The following ESRRG variants were observed in gnomAD, a reference collection of about 807,000 sequenced individuals.
ESRRG encodes the protein estrogen related receptor gamma.
In ESRRG, 13 loss-of-function variants were observed where a neutral mutation model predicts 44.0. The ratio of observed to expected loss-of-function variants is 0.30; its 90% CI spans 0.19 to 0.47. ESRRG has a LOEUF of 0.47. Among genes scored for constraint, ESRRG ranks in the 20% least tolerant of loss-of-function variants. The pLI is 1.00. For missense variants in ESRRG, 395 were observed against 580.6 expected, an observed-to-expected ratio of 0.68 and a Z score of 3.29; for synonymous variants, 215 against 214.6, an observed-to-expected ratio of 1.00 and a Z score of -0.02.
At chr1:216,541,420 T>C (rs2052679629) in intron 5 of ESRRG, among the ~76,000 whole-genome samples, 1 of 152,030 alleles carries the variant, frequency 6.6e-6, no homozygotes, top group Non-Finnish European at 1.5e-5. Context: ...GAGAGCTAAA[T>C]GTTATCTCTT....
chr1:216,854,353 C>CAAA (rs57421256), intron 2 of ESRRG, among the ~76,000 whole-genome samples: 471 of 67,012 alleles, frequency 7.0e-3, no homozygotes, highest in Non-Finnish European at 8.1e-3. Flanking sequence ...AAGACACCAT[C>CAAA]AAAAAAAAAA....
At chr1:216,913,597 C>A (rs1354430896) in intron 2 of ESRRG, among the ~76,000 whole-genome samples, 1 of 152,238 alleles carries the variant, frequency 6.6e-6, no homozygotes, top group Admixed American at 6.5e-5. Context: ...GTGAGCGCTG[C>A]ACTTTTTCCA....
At chr1:217,028,591 C>A (rs536665967) in intron 1 of ESRRG, among the ~76,000 whole-genome samples, 44 of 152,304 alleles carry the variant, frequency 2.9e-4, no homozygotes, top group Admixed American at 2.3e-3. Flanking sequence ...TTGGGAATAG[C>A]ACATTTTAGG....
chr1:216,748,313 C>A (rs1376330131), intron 2 of ESRRG, among the ~76,000 whole-genome samples: 1 of 152,068 alleles, frequency 6.6e-6, no homozygotes, highest in Non-Finnish European at 1.5e-5. Context: ...GTCTGGGACC[C>A]CATTTTTTTA....
At position 216,618,501 on chromosome 1, in the gene ESRRG, A is replaced by G. The variant is rs909873216; in HGVS notation, c.589+32472T>C. The stretch of plus-strand genomic sequence containing the variant: ...ACAATCTTACATATTCATCTACCTA[A>G]TTTACATATATATAAATAAGTAATA... On this transcript the variant is annotated intron_variant, in intron 3 of 6. Coordinates refer to ENST00000408911, the MANE Select transcript of ESRRG (RefSeq NM_001438.4). Among the ~76,000 whole-genome samples, 4 of 152,320 alleles carry G rather than the reference A, an allele frequency of 2.6e-5. No individual in the cohort carries two copies. In the East Asian group the frequency reaches 7.7e-4, roughly 29 times the overall value.
At chr1:217,132,487 TG>T (rs1462018285) in intron 1 of ESRRG, among the ~76,000 whole-genome samples, 1 of 152,202 alleles carries the variant, frequency 6.6e-6, no homozygotes, top group South Asian at 2.1e-4. Context: ...TATCTTGGTC[TG>T]GGATGGTTCA....
chr1:217,085,553 C>CA (rs201887832), intron 1 of ESRRG, among the ~76,000 whole-genome samples: 22,678 of 133,618 alleles, frequency 0.17, 2,088 homozygotes, highest in Admixed American at 0.25. Context: ...TGCAGTGGCG[C>CA]CATCTCGGCT....
At chr1:216,621,764 A>T (rs575532021) in intron 3 of ESRRG, among the ~76,000 whole-genome samples, 3 of 152,330 alleles carry the variant, frequency 2.0e-5, no homozygotes, top group African/African-American at 7.2e-5. Context: ...GATTTTCCTC[A>T]TGAAGTGATT....
intron 2 of ESRRG, among the ~76,000 whole-genome samples, chr1:216,819,317 A>G (rs1272581917): frequency 1.3e-5 from 2 of 152,204 alleles, no homozygotes. Context: ...TTGTCTCACA[A>G]CAAGGAGGAA....
intron 5 of ESRRG, among the ~76,000 whole-genome samples, chr1:216,525,324 C>A (rs997749810): frequency 6.6e-6 from 1 of 152,086 alleles, no homozygotes; most frequent in Non-Finnish European, 1.5e-5. Flanking sequence ...TGTGCAGTTC[C>A]TCTTTGGAAG....
At chr1:216,771,040 A>G (rs142089877) in intron 2 of ESRRG, among the ~76,000 whole-genome samples, 1 of 152,202 alleles carries the variant, frequency 6.6e-6, no homozygotes, top group East Asian at 1.9e-4. Context: ...GGTTCTTGCT[A>G]TGTTGCCCAG....
intron 5 of ESRRG, among the ~76,000 whole-genome samples, chr1:216,548,953 T>C (rs2055403392): frequency 6.6e-6 from 1 of 152,148 alleles, no homozygotes; most frequent in Non-Finnish European, 1.5e-5. Flanking sequence ...AATTTGCTTT[T>C]CTCCATGCAA....
At chr1:217,108,164 T>C (rs2151580213) in intron 1 of ESRRG, among the ~76,000 whole-genome samples, 1 of 152,298 alleles carries the variant, frequency 6.6e-6, no homozygotes, top group Non-Finnish European at 1.5e-5. Context: ...AGAGACCAAA[T>C]ACAGTTGCCA....
intron 3 of ESRRG, among the ~76,000 whole-genome samples, chr1:216,574,748 G>T (rs1258224125): frequency 1.3e-5 from 2 of 152,080 alleles, no homozygotes; most frequent in Admixed American, 6.6e-5. Flanking sequence ...ACTACAATAA[G>T]CAAACTGCTG....
At chr1:217,113,520 T>A (rs1022735739) in intron 1 of ESRRG, among the ~76,000 whole-genome samples, 1 of 152,208 alleles carries the variant, frequency 6.6e-6, no homozygotes, top group African/African-American at 2.4e-5. Flanking sequence ...CCCATCCACA[T>A]ATGGACATGA....
chr1:217,122,706 T>C (rs1234107827), intron 1 of ESRRG, among the ~76,000 whole-genome samples: 4 of 150,210 alleles, frequency 2.7e-5, no homozygotes, highest in East Asian at 3.9e-4. Flanking sequence ...GTTTCACTTT[T>C]GTTGCCCAGG....
intron 5 of ESRRG, among the ~76,000 whole-genome samples, chr1:216,561,666 C>T (rs74141605): frequency 0.014 from 2,113 of 152,202 alleles, 59 homozygotes; most frequent in African/African-American, 0.049. Flanking sequence ...ACACCCTCTC[C>T]TTCTACCTCA....
chr1:216,550,493 G>T (rs1294118424), intron 5 of ESRRG, among the ~76,000 whole-genome samples: 5 of 152,066 alleles, frequency 3.3e-5, no homozygotes, highest in African/African-American at 1.2e-4. Flanking sequence ...TGCCAACAAG[G>T]CTGATATCCC....
chr1:216,985,423 T>C (rs1056823514), intron 1 of ESRRG, among the ~76,000 whole-genome samples: 1 of 152,310 alleles, frequency 6.6e-6, no homozygotes, highest in South Asian at 2.1e-4. Flanking sequence ...ACAAGGTTTC[T>C]CCAAATATTT....
Sources: gnomAD v4.1 joint callset for allele counts (sites outside exome capture counted in the v4.1 genomes callset) on GRCh38, gnomAD v4.1.1 for gene constraint, MANE v1.5 for transcripts, NCBI Gene and HGNC (gene_info 2026-07-23, HGNC 2026-07-21) for gene names.